The following NRXN3 variants were observed in gnomAD, a reference collection of about 807,000 sequenced individuals.
NRXN3 encodes neurexin III.
In NRXN3, 32 loss-of-function variants were observed where a neutral mutation model predicts 137.6. The observed-to-expected ratio is 0.23, with a 90% CI of 0.18 to 0.31. NRXN3 has a LOEUF of 0.31. Among genes scored for constraint, NRXN3 ranks in the 10% least tolerant of loss-of-function variants. The pLI, the probability that NRXN3 is intolerant of heterozygous loss-of-function variation, is 1.00. For synonymous variants in NRXN3, 798 were observed against 784.5 expected, an observed-to-expected ratio of 1.02 and a Z score of -0.29; for missense variants, 1,574 against 2,062.5, an observed-to-expected ratio of 0.76 and a Z score of 4.59.
intron 16 of NRXN3, among the ~76,000 whole-genome samples, chr14:79,564,681 A>G (rs2097531065): frequency 6.6e-6 from 1 of 152,126 alleles, no homozygotes; most frequent in Non-Finnish European, 1.5e-5. Flanking sequence ...CTCAATGACA[A>G]TCTCAAAAAA....
intron 15 of NRXN3, among the ~76,000 whole-genome samples, chr14:79,222,591 G>A (rs1360848027): frequency 6.6e-6 from 1 of 152,154 alleles, no homozygotes; most frequent in African/African-American, 2.4e-5. Flanking sequence ...AGTTTTGTAA[G>A]AAGGTGCCAA....
At chr14:79,102,562 C>G (rs951338934) in intron 15 of NRXN3, among the ~76,000 whole-genome samples, 2 of 152,144 alleles carry the variant, frequency 1.3e-5, no homozygotes. Flanking sequence ...TCTAGATAGT[C>G]TTAGTCTTCA....
At chr14:78,807,446 C>A (rs544721032) in intron 9 of NRXN3, among the ~76,000 whole-genome samples, 4 of 152,104 alleles carry the variant, frequency 2.6e-5, no homozygotes, top group African/African-American at 9.7e-5. Flanking sequence ...GAAAAACTTT[C>A]TTGGCCAGGC....
At chr14:78,220,720 G>A (rs2063762713) in intron 1 of NRXN3, among the ~76,000 whole-genome samples, 1 of 152,146 alleles carries the variant, frequency 6.6e-6, no homozygotes, top group African/African-American at 2.4e-5. Flanking sequence ...CAGGGTCCCA[G>A]GGAGGTGGCA....
chr14:79,002,526 C>T (rs1204074112), intron 15 of NRXN3, among the ~76,000 whole-genome samples: 3 of 152,086 alleles, frequency 2.0e-5, no homozygotes, highest in Non-Finnish European at 2.9e-5. Flanking sequence ...GCTTCATCTA[C>T]GTCCCTGCAA....
chr14:78,657,046 CAAAAAAAAAA>C lies in NRXN3; in HGVS notation c.1221+5740_1221+5749del, dbSNP rs1174872709. ...TGGGCGACAGAGTGAGACTCCGTCTCAAAAAAAAAAAAAAAAAAAAAAAAAAAAAGAAAAG... is the reference window on the plus strand; with the variant it reads ...TGGGCGACAGAGTGAGACTCCGTCTCAAAAAAAAAAAAAAAAAAAGAAAAG... On this transcript the variant is annotated intron_variant, in intron 6 of 20. Transcript: ENST00000335750. Among the ~76,000 whole-genome samples the C allele has an allele frequency of 3.9e-4, 12 of 31,062 alleles. No individual in the cohort carries two copies. In the South Asian group the frequency reaches 0.019, roughly 49 times the overall value. 20.4% of individuals were successfully genotyped at this position (31,062 alleles called of 152,430 possible).
At chr14:79,568,698 A>G (rs2097571519) in intron 16 of NRXN3, among the ~76,000 whole-genome samples, 1 of 152,202 alleles carries the variant, frequency 6.6e-6, no homozygotes, top group African/African-American at 2.4e-5. Context: ...TCAAATGCCC[A>G]GTCCATGATT....
intron 4 of NRXN3, among the ~76,000 whole-genome samples, chr14:78,301,967 G>A (rs1433003239): frequency 6.6e-6 from 1 of 152,102 alleles, no homozygotes; most frequent in African/African-American, 2.4e-5. Context: ...GAAAGGAGGT[G>A]GGTGGGAAAG....
intron 17 of NRXN3, among the ~76,000 whole-genome samples, chr14:79,668,162 C>A (rs894290642): frequency 2.0e-5 from 3 of 151,896 alleles, no homozygotes; most frequent in African/African-American, 7.3e-5. Context: ...CAACTTAGAA[C>A]GTGAAAAAGA....
At chr14:79,799,485 G>A (rs2099170501) in intron 19 of NRXN3, among the ~76,000 whole-genome samples, 1 of 152,168 alleles carries the variant, frequency 6.6e-6, no homozygotes, top group South Asian at 2.1e-4. Context: ...AAGTCTGATA[G>A]GGCAGGACAT....
chr14:78,201,664 T>C (rs2061690711), intron 1 of NRXN3, among the ~76,000 whole-genome samples: 1 of 152,182 alleles, frequency 6.6e-6, no homozygotes, highest in Non-Finnish European at 1.5e-5. Flanking sequence ...GCAATTGACC[T>C]TTTAAGTCAA....
At position 78,232,687 on chromosome 14, in the gene NRXN3, C is replaced by G. The variant is rs189886996; in HGVS notation, c.-703-9704C>G. Among the ~76,000 whole-genome samples, 88 of 152,308 alleles carry G rather than the reference C, an allele frequency of 5.8e-4. 1 individual carries two copies. The highest frequency in any genetic ancestry group is 3.1e-3 in the Admixed American group (48 of 15,294). ...CCTCCCTGCTTCTCTTCCCTATCCCCTCATGTAAAGAATTCACTGGCTTTC... is the reference window on the plus strand; with the variant it reads ...CCTCCCTGCTTCTCTTCCCTATCCCGTCATGTAAAGAATTCACTGGCTTTC... On this transcript the variant is annotated intron_variant, in intron 1 of 20. Coordinates refer to ENST00000335750, the MANE Select transcript of NRXN3 (RefSeq NM_001330195.2).
intron 4 of NRXN3, among the ~76,000 whole-genome samples, chr14:78,369,930 TAA>T (rs57610008): frequency 0.4 from 55,409 of 140,118 alleles, 10,975 homozygotes; most frequent in Admixed American, 0.45. Flanking sequence ...TTAGCCTGGT[TAA>T]AAAAAAAAAA....
At chr14:79,540,879 C>A (rs2097265493) in intron 16 of NRXN3, among the ~76,000 whole-genome samples, 1 of 152,114 alleles carries the variant, frequency 6.6e-6, no homozygotes, top group South Asian at 2.1e-4. Flanking sequence ...AAAAGGACCA[C>A]AAACTTGGTG....
intron 1 of NRXN3, among the ~76,000 whole-genome samples, chr14:78,192,065 A>AGTGTGTGTGT (rs34445474): frequency 2.7e-4 from 38 of 142,966 alleles, no homozygotes; most frequent in African/African-American, 9.0e-4. Flanking sequence ...GCTGCCCGAA[A>AGTGTGTGTGT]GTGTGTGTGT....
chr14:78,719,748 A>G (rs1293055805), intron 8 of NRXN3, among the ~76,000 whole-genome samples: 1 of 152,198 alleles, frequency 6.6e-6, no homozygotes, highest in Non-Finnish European at 1.5e-5. Flanking sequence ...AGGCTGAGGC[A>G]TGAGAATCAC....
At chr14:79,284,986 C>A (rs138432735) in intron 15 of NRXN3, among the ~76,000 whole-genome samples, 7 of 152,084 alleles carry the variant, frequency 4.6e-5, no homozygotes, top group African/African-American at 1.7e-4. Flanking sequence ...CCTCTAGATG[C>A]GTTGTTTTTC....
At chr14:78,764,475 G>A (rs1215155818) in intron 8 of NRXN3, among the ~76,000 whole-genome samples, 1 of 152,092 alleles carries the variant, frequency 6.6e-6, no homozygotes, top group African/African-American at 2.4e-5. Context: ...TTCCCGTTAA[G>A]CTGCCCACCT....
chr14:79,777,718 CCAG>C, intron 19 of NRXN3, among the ~76,000 whole-genome samples: 1 of 151,548 alleles, frequency 6.6e-6, no homozygotes, highest in Admixed American at 6.6e-5. Context: ...TGGTCCAAAG[CCAG>C]TAAAATAAGA....
Sources: gnomAD v4.1 joint callset for allele counts (sites outside exome capture counted in the v4.1 genomes callset) on GRCh38, gnomAD v4.1.1 for gene constraint, MANE v1.5 for transcripts, NCBI Gene and HGNC (gene_info 2026-07-23, HGNC 2026-07-21) for gene names.